DNAH5: variants seen among roughly 807,000 people sequenced by gnomAD.
The protein encoded by DNAH5 is dynein axonemal heavy chain 5.
Under a neutral mutation model 518.2 loss-of-function variants are expected in DNAH5, and 372 were observed. The observed-to-expected ratio is 0.72, with a 90% CI of 0.66 to 0.78. DNAH5 has a LOEUF of 0.78. Among genes scored for constraint, DNAH5 ranks in the 30% least tolerant of loss-of-function variants. DNAH5 has a pLI of 0.00. For synonymous variants in DNAH5, 2,039 were observed against 2,025.9 expected, an observed-to-expected ratio of 1.01 and a Z score of -0.17; for missense variants, 5,523 against 5,687.0, an observed-to-expected ratio of 0.97 and a Z score of 0.93.
chr5:14,001,974 C>T (rs1193298859), intron 1 of DNAH5, among the ~76,000 whole-genome samples: 1 of 151,960 alleles, frequency 6.6e-6, no homozygotes, highest in Non-Finnish European at 1.5e-5. Flanking sequence ...TCTCAGCTCA[C>T]TGCAACCTCC....
intron 8 of DNAH5, 148 bp downstream of exon 8, chr5:13,916,995 T>C: frequency 2.9e-6 from 2 of 683,274 alleles, no homozygotes; most frequent in Non-Finnish European, 5.2e-6. Flanking sequence ...TGCGTGTATA[T>C]ACCTATATAT....
intron 45 of DNAH5, among the ~76,000 whole-genome samples, chr5:13,809,468 C>G (rs568782660): frequency 5.3e-5 from 8 of 152,196 alleles, no homozygotes; most frequent in African/African-American, 1.9e-4. Context: ...TATAAAAATA[C>G]AGAACAGAGT....
At chr5:13,797,065 G>A (rs939049334) in intron 47 of DNAH5, among the ~76,000 whole-genome samples, 5 of 152,190 alleles carry the variant, frequency 3.3e-5, no homozygotes, top group African/African-American at 1.2e-4. Context: ...ATGGATTAAA[G>A]ACTTAAATGT....
intron 65 of DNAH5, among the ~76,000 whole-genome samples, chr5:13,742,330 T>C (rs1748682814): frequency 6.6e-6 from 1 of 151,750 alleles, no homozygotes; most frequent in Non-Finnish European, 1.5e-5. Context: ...ACATAACCAC[T>C]GCCCTACTTG....
intron 24 of DNAH5, among the ~76,000 whole-genome samples, chr5:13,868,953 G>A (rs901120138): frequency 1.3e-5 from 2 of 152,176 alleles, no homozygotes; most frequent in Admixed American, 1.3e-4. Context: ...AGGCATAAAG[G>A]TGATGTTTTG....
chr5:13,787,921 T>C (rs1159121946), intron 51 of DNAH5, among the ~76,000 whole-genome samples: 1 of 152,242 alleles, frequency 6.6e-6, no homozygotes, highest in East Asian at 1.9e-4. Flanking sequence ...AAGATATACT[T>C]AGCATGTTTT....
Position 13,923,348 on chromosome 5 carries a change from T to C in DNAH5, c.370A>G (p.Thr124Ala). The stretch of plus-strand genomic sequence containing the variant: ...CTGATGAAGAACACACATACCCCAG[T>C]AAGAGCCACATCGTTTCCCTCGGTC... ...FVTEGNDVALTGVCVFFIRTD... is the reference protein window; with the variant it reads ...FVTEGNDVALAGVCVFFIRTD... The change falls in exon 4 of 79, where the codon ACT becomes GCT. Residue 124 changes from threonine (T) to alanine (A), a missense_variant. Physicochemically the swap from Thr to Ala is moderately conservative, Grantham distance 58. This residue lies in a region of DNAH5 where 5,121 missense variants were observed against 5,223.3 expected (regional missense o/e 0.98). Coordinates refer to ENST00000265104, the MANE Select transcript of DNAH5 (RefSeq NM_001369.3). 6.2e-7 allele frequency: 1 copy of C among 1,614,180 alleles called. No homozygotes were observed.
At chr5:13,747,763 T>A (rs1439424136) in intron 65 of DNAH5, among the ~76,000 whole-genome samples, 2 of 152,188 alleles carry the variant, frequency 1.3e-5, no homozygotes, top group South Asian at 2.1e-4. Context: ...CTTTGAGTTC[T>A]TTGTAGATTC....
At chr5:13,725,458 G>A (rs1745595999) in intron 70 of DNAH5, among the ~76,000 whole-genome samples, 1 of 152,224 alleles carries the variant, frequency 6.6e-6, no homozygotes, top group Admixed American at 6.5e-5. Context: ...GGTGTGGCAA[G>A]CCAGGTTTCT....
rs564550437 is a variant in DNAH5 at position 13,877,895 on chromosome 5, A to G, written c.3263-1078T>C. ...TTACACAGGCATGAAGCACTTACAG[A>G]GGCTTCATTCTGTGGAAGTTGTGCA... is the stretch of plus-strand genomic sequence containing the variant. On this transcript the variant is annotated intron_variant, in intron 21 of 78. Transcript: ENST00000265104. Among the ~76,000 whole-genome samples, 6 of 152,314 alleles carry G rather than the reference A, an allele frequency of 3.9e-5. No homozygotes were observed. The East Asian group carries it at 1.2e-3, about 29-fold the overall frequency.
chr5:13,914,582 T>G lies in DNAH5; in HGVS notation c.1258A>C (p.Ile420Leu). Residue 420 changes from isoleucine (I) to leucine (L), a missense_variant, in exon 10 of 79, where the codon ATC (isoleucine) becomes CTC (leucine). Physicochemically the swap from Ile to Leu is conservative, Grantham distance 5. Around this residue, in one of 3 missense-constraint regions of DNAH5, gnomAD observed 5,121 missense variants for 5,223.3 expected, o/e 0.98. Transcript: ENST00000265104. The part of the protein sequence containing the change: ...AYITNNGTAS[I>L]WNQPQDVVEE... ...ACAACATCCTGTGGCTGGTTCCAGATGGAAGCGGTTCCATTATTGGTAATA... is the reference window on the plus strand; with the variant it reads ...ACAACATCCTGTGGCTGGTTCCAGAGGGAAGCGGTTCCATTATTGGTAATA... 7 of 1,613,458 alleles carry G rather than the reference T, an allele frequency of 4.3e-6. No homozygotes were observed. The highest frequency in any genetic ancestry group is 5.9e-6 in the Non-Finnish European group (7 of 1,179,472).
At chr5:13,914,755 A>T in intron 9 of DNAH5, 113 bp from the exon 10 acceptor site, 1 of 1,089,824 alleles carries the variant, frequency 9.2e-7, no homozygotes, top group Non-Finnish European at 1.3e-6. Flanking sequence ...TTCTAACTTG[A>T]GCTTGGGTTT....
chr5:13,823,326 G>A lies in DNAH5; in HGVS notation c.6624C>T (p.Leu2208=). 1 of 1,614,000 alleles carries A rather than the reference G, an allele frequency of 6.2e-7. No homozygotes were observed. The highest frequency in any genetic ancestry group is 1.1e-5 in the South Asian group (1 of 91,086). Residue 2208 remains leucine (L), a synonymous_variant, in exon 40 of 79, where the codon CTC becomes CTT. Transcript: ENST00000265104. The part of the protein sequence containing the change: ...EPLFLSLIED[L]FPNILLDKAG... ...CCTTGTCCAGAAGAATATTTGGAAA[G>A]AGATCTTCAATCAAACTCAAAAACA...
chr5:13,966,168 T>C (rs1387784475), intron 1 of DNAH5, among the ~76,000 whole-genome samples: 1 of 152,212 alleles, frequency 6.6e-6, no homozygotes, highest in East Asian at 1.9e-4. Flanking sequence ...TGCCATTATT[T>C]TGTTTCCTTT....
chr5:13,871,247 C>T (rs1221714125), intron 23 of DNAH5, among the ~76,000 whole-genome samples: 1 of 152,092 alleles, frequency 6.6e-6, no homozygotes, highest in East Asian at 1.9e-4. Context: ...CATATCAGAA[C>T]TCTCTGGGAT....
intron 52 of DNAH5, among the ~76,000 whole-genome samples, chr5:13,783,237 G>T (rs1209565879): frequency 6.6e-6 from 1 of 152,148 alleles, no homozygotes; most frequent in East Asian, 1.9e-4. Flanking sequence ...TGCCCCCTGG[G>T]GTGAGAACTT....
intron 52 of DNAH5, among the ~76,000 whole-genome samples, chr5:13,785,336 C>T (rs528011799): frequency 6.6e-6 from 1 of 152,242 alleles, no homozygotes; most frequent in South Asian, 2.1e-4. Context: ...CAGCCCTGCT[C>T]CTAACAGGCC....
Position 13,986,477 on chromosome 5 carries a change from A to C in DNAH5, c.12+25171T>G, listed in dbSNP as rs115867902. 2.3e-3 allele frequency among the ~76,000 whole-genome samples: 351 copies of C among 152,278 alleles called. 1 individual carries two copies. Among genetic ancestry groups the C allele is most frequent in the African/African-American group, 8.2e-3 (339 of 41,552 alleles). On this transcript the variant is annotated intron_variant, in intron 1 of 78. Transcript: ENST00000681290. ...AATTTGGAATTGGAGCTAAGCTAGA[A>C]CCTGTCTCTTTGATGGCAGTAAATG...
chr5:13,972,477 T>C (rs996048290), intron 1 of DNAH5, among the ~76,000 whole-genome samples: 3 of 152,238 alleles, frequency 2.0e-5, no homozygotes, highest in African/African-American at 7.2e-5. Context: ...AAGTCAGGAA[T>C]GGCTTCCCTG....
Sources: gnomAD v4.1 joint callset for allele counts (sites outside exome capture counted in the v4.1 genomes callset) on GRCh38, gnomAD v4.1.1 for gene constraint, gnomAD v4.1.1 regional missense constraint, MANE v1.5 for transcripts, NCBI Gene and HGNC (gene_info 2026-07-23, HGNC 2026-07-21) for gene names.